SLC35F1: variants seen among roughly 807,000 people sequenced by gnomAD.
SLC35F1 encodes the protein chromosome 6 open reading frame 169.
SLC35F1 carries 14 observed loss-of-function variants against 48.7 expected under a neutral mutation model. The ratio of observed to expected loss-of-function variants is 0.29; its 90% CI spans 0.19 to 0.45. The LOEUF (loss-of-function observed/expected upper bound fraction) is 0.45, where lower values mean the gene tolerates loss of function less well. SLC35F1 is among the 20% of genes least tolerant of loss of function. The pLI, the probability that SLC35F1 is intolerant of heterozygous loss-of-function variation, is 1.00. For synonymous variants in SLC35F1, 190 were observed against 202.2 expected (o/e 0.94, Z 0.51); for missense variants, 404 against 500.0 (o/e 0.81, Z 1.83).
chr6:118,090,896 A>C (rs1405394896), intron 1 of SLC35F1, among the ~76,000 whole-genome samples: 1 of 152,200 alleles, frequency 6.6e-6, no homozygotes, highest in Non-Finnish European at 1.5e-5. Context: ...CTCCAGACAC[A>C]AGAAGATGGT....
In SLC35F1 at chr6:118,239,242, C is replaced by G. The variant is rs558437855; in HGVS notation, c.477+3606C>G. ...TACCTAGAGGAAACCCCAGCACATA[C>G]TAGATACTAAATACATGTTTGAAGA... On this transcript the variant is annotated intron_variant, in intron 3 of 7. Transcript: ENST00000360388. Among the ~76,000 whole-genome samples the G allele has an allele frequency of 4.8e-4, 72 of 148,908 alleles. No individual in the cohort carries two copies. In the South Asian group the frequency reaches 8.7e-3, roughly 18 times the overall value.
chr6:118,192,835 A>G (rs1774749938), intron 2 of SLC35F1, among the ~76,000 whole-genome samples: 1 of 152,092 alleles, frequency 6.6e-6, no homozygotes, highest in African/African-American at 2.4e-5. Flanking sequence ...GCAGCATCTC[A>G]AAGTTAGAGG....
At chr6:118,176,429 A>T (rs904547890) in intron 2 of SLC35F1, among the ~76,000 whole-genome samples, 2 of 152,124 alleles carry the variant, frequency 1.3e-5, no homozygotes, top group African/African-American at 4.8e-5. Flanking sequence ...CCTTGGGCTC[A>T]AGCGATCCTC....
chr6:117,907,434 T>A lies in SLC35F1; in HGVS notation c.-293T>A, dbSNP rs1277966350. On this transcript the variant is annotated 5_prime_UTR_variant, in exon 1 of 8. Transcript: ENST00000360388. Reference sequence around the variant, plus strand: ...CCCGCGCGACACCCTTCGCAGCCACTTCGCGGGGCGGGCCAGGACTTGGGG... The same window carrying A: ...CCCGCGCGACACCCTTCGCAGCCACATCGCGGGGCGGGCCAGGACTTGGGG... The A allele has an allele frequency of 1.4e-5, 3 of 212,800 alleles. No homozygotes were observed. The highest frequency in any genetic ancestry group is 2.3e-5 in the African/African-American group (1 of 42,988). 13.2% of individuals were successfully genotyped at this position (212,800 alleles called of 1,614,324 possible). A position where few individuals can be genotyped will look rare whatever the true frequency, so the allele number is the denominator to read the frequency against.
intron 1 of SLC35F1, among the ~76,000 whole-genome samples, chr6:117,918,513 A>G (rs1277137639): frequency 6.6e-6 from 1 of 152,128 alleles, no homozygotes; most frequent in African/African-American, 2.4e-5. Flanking sequence ...TTCTCTGTGA[A>G]CTCTGAGGCA....
chr6:118,271,959 G>A (rs1221983848), intron 4 of SLC35F1, among the ~76,000 whole-genome samples: 1 of 152,110 alleles, frequency 6.6e-6, no homozygotes, highest in Non-Finnish European at 1.5e-5. Context: ...TGAAGTTCAG[G>A]AAGACTCTGT....
chr6:118,090,571 C>G (rs1483417438), intron 1 of SLC35F1, among the ~76,000 whole-genome samples: 3 of 152,060 alleles, frequency 2.0e-5, no homozygotes, highest in Non-Finnish European at 4.4e-5. Flanking sequence ...TGTAAAGGCT[C>G]TGAGGGGAGC....
chr6:118,198,457 A>G (rs1333804343), intron 2 of SLC35F1, among the ~76,000 whole-genome samples: 2 of 152,220 alleles, frequency 1.3e-5, no homozygotes, highest in African/African-American at 2.4e-5. Flanking sequence ...CCTGAGCTAT[A>G]CATGAAAGAT....
At chr6:118,157,903 A>G (rs1774169974) in intron 2 of SLC35F1, among the ~76,000 whole-genome samples, 1 of 152,230 alleles carries the variant, frequency 6.6e-6, no homozygotes, top group African/African-American at 2.4e-5. Context: ...CTTCAATCCA[A>G]TCAAGTTGAC....
intron 7 of SLC35F1, among the ~76,000 whole-genome samples, chr6:118,311,831 T>G (rs372884702): frequency 2.6e-5 from 4 of 152,130 alleles, no homozygotes; most frequent in Admixed American, 6.6e-5. Flanking sequence ...TCAATGACTA[T>G]ATCAGATTAT....
intron 1 of SLC35F1, among the ~76,000 whole-genome samples, chr6:118,073,691 T>C (rs1228510346): frequency 6.6e-6 from 1 of 152,146 alleles, no homozygotes; most frequent in Non-Finnish European, 1.5e-5. Flanking sequence ...AACAGATACA[T>C]GTTATTTTTT....
rs138872411 is a variant in SLC35F1 at position 118,032,909 on chromosome 6, T to C, written c.174-121536T>C. ...CTAAGTTCTTGAGTTTTATAATCAT[T>C]CTTCTTTGTCTTTTCTCACCTTTTG... On this transcript the variant is annotated intron_variant, in intron 1 of 7. Coordinates refer to ENST00000360388, the MANE Select transcript of SLC35F1 (RefSeq NM_001029858.4). 3.2e-4 allele frequency among the ~76,000 whole-genome samples: 48 copies of C among 152,284 alleles called. No homozygotes were observed. The East Asian group carries it at 8.1e-3, about 26-fold the overall frequency.
intron 1 of SLC35F1, among the ~76,000 whole-genome samples, chr6:118,120,268 C>T (rs952828740): frequency 2.0e-5 from 3 of 152,116 alleles, no homozygotes; most frequent in South Asian, 2.1e-4. Context: ...CTGGATAATT[C>T]CTGAAAATCC....
intron 1 of SLC35F1, among the ~76,000 whole-genome samples, chr6:118,131,737 C>A (rs939950022): frequency 6.6e-6 from 1 of 150,644 alleles, no homozygotes; most frequent in Non-Finnish European, 1.5e-5. Flanking sequence ...TTAAATTTTG[C>A]GTTCTGGCAT....
At chr6:118,013,910 G>A (rs892944179) in intron 1 of SLC35F1, among the ~76,000 whole-genome samples, 5 of 152,080 alleles carry the variant, frequency 3.3e-5, no homozygotes, top group African/African-American at 1.2e-4. Flanking sequence ...TAGTTAATTA[G>A]GCACTTACAA....
chr6:118,177,403 C>G (rs1425241439), intron 2 of SLC35F1, among the ~76,000 whole-genome samples: 1 of 152,062 alleles, frequency 6.6e-6, no homozygotes, highest in Non-Finnish European at 1.5e-5. Flanking sequence ...ACTGGAATGG[C>G]CAAGAAAGTA....
chr6:117,997,541 A>G (rs1777014007), intron 1 of SLC35F1, among the ~76,000 whole-genome samples: 1 of 152,366 alleles, frequency 6.6e-6, no homozygotes, highest in African/African-American at 2.4e-5. Flanking sequence ...CAGGTTACCC[A>G]CAAAGGGAAG....
intron 1 of SLC35F1, among the ~76,000 whole-genome samples, chr6:118,042,436 T>C (rs1211179896): frequency 6.6e-6 from 1 of 152,132 alleles, no homozygotes; most frequent in Non-Finnish European, 1.5e-5. Context: ...CTGGGGAGCA[T>C]GAAGAAGGTC....
intron 1 of SLC35F1, among the ~76,000 whole-genome samples, chr6:117,992,278 G>A (rs1776929140): frequency 6.6e-6 from 1 of 151,818 alleles, no homozygotes; most frequent in Admixed American, 6.6e-5. Flanking sequence ...CATTGAATTT[G>A]TTCATTTCTT....
Sources: allele counts gnomAD v4.1 joint callset (sites outside exome capture counted in the v4.1 genomes callset), GRCh38; gene constraint gnomAD v4.1.1; transcripts MANE v1.5; gene names NCBI Gene and HGNC (gene_info 2026-07-23, HGNC 2026-07-21).